Variants in C7 observed in about 807,000 individuals in gnomAD.
C7 encodes complement C7.
A neutral mutation model predicts 104.8 loss-of-function variants in C7; 83 were observed. The ratio of observed to expected loss-of-function variants is 0.79; its 90% CI spans 0.66 to 0.95. C7 has a LOEUF of 0.95. Ranked by LOEUF, C7 falls within the 40% of genes least tolerant of loss-of-function variation. The probability of loss-of-function intolerance (pLI) is 0.00; values close to 1 mark genes in which losing one functional copy is unlikely to be tolerated. For synonymous variants in C7, 415 were observed against 360.6 expected, an observed-to-expected ratio of 1.15 and a Z score of -1.71; for missense variants, 1,070 against 1,011.2, an observed-to-expected ratio of 1.06 and a Z score of -0.79.
Position 40,958,245 on chromosome 5 carries a change from C to T in C7, c.1473C>T (p.Leu491=), listed in dbSNP as rs376291154. 166 of 1,605,004 alleles carry T rather than the reference C, an allele frequency of 1.0e-4. No homozygotes were observed. The highest frequency in any genetic ancestry group is 1.7e-4 in the Middle Eastern group (1 of 6,040). The change falls in exon 11 of 18, where the codon CTC becomes CTT. Residue 491 remains leucine (L), a synonymous_variant. Coordinates refer to ENST00000313164, the MANE Select transcript of C7 (RefSeq NM_000587.4). ...GTGCGGCGTGTGAGCAAGGAGTCCT[C>T]GTAGGGAATCAAGCAGGTCAGTGGG... ...TFGAACEQGV[L]VGNQAGGVDG...
At chr5:40,961,997 C>T (rs1375951719) in intron 12 of C7, 88 bp from the exon 13 acceptor site, 19 of 573,820 alleles carry the variant, frequency 3.3e-5, no homozygotes, top group Non-Finnish European at 4.5e-5. Flanking sequence ...GGAGTTCCTT[C>T]AGATACAAAG....
chr5:40,936,453 ACCT>A lies in C7; in HGVS notation c.403_405del (p.Pro135del), dbSNP rs763064315. 71 of 1,612,886 alleles carry A rather than the reference ACCT, an allele frequency of 4.4e-5. No homozygotes were observed. The highest frequency in any genetic ancestry group is 5.9e-5 in the Non-Finnish European group (69 of 1,179,428). Reference sequence around the variant, plus strand: ...GGAGACCTTCCTGTGATATCGATAAACCTCCTCCTAACATAGAACTTACTGGAA... The same window carrying A: ...GGAGACCTTCCTGTGATATCGATAAACCTCCTAACATAGAACTTACTGGAA... On this transcript the variant is annotated inframe_deletion, in exon 5 of 18. Transcript: ENST00000313164.
chr5:40,925,741 C>A (rs934634232), intron 1 of C7, among the ~76,000 whole-genome samples: 1 of 152,132 alleles, frequency 6.6e-6, no homozygotes. Context: ...TCTGGTGAAA[C>A]CTGCAGGGAG....
intron 14 of C7, 32 bp from the exon 15 acceptor site, chr5:40,972,371 G>A (rs775350567): frequency 8.2e-6 from 13 of 1,581,424 alleles, no homozygotes; most frequent in African/African-American, 2.7e-5. Context: ...GGAGAGCAAC[G>A]ACCCTTATAT....
chr5:40,972,275 C>T, intron 14 of C7, 128 bp from the exon 15 acceptor site: 2 of 760,266 alleles, frequency 2.6e-6, no homozygotes, highest in East Asian at 5.4e-5. Context: ...TAACAGTGAA[C>T]TTACGTCTTC....
At chr5:40,928,499 T>G in intron 1 of C7, 81 bp from the exon 2 acceptor site, 1 of 800,578 alleles carries the variant, frequency 1.2e-6, no homozygotes, top group Non-Finnish European at 2.0e-6. Context: ...CCCCATAAAT[T>G]TATACAATTA....
chr5:40,918,972 A>G (rs952683156), intron 1 of C7, among the ~76,000 whole-genome samples: 11 of 151,650 alleles, frequency 7.3e-5, no homozygotes, highest in Non-Finnish European at 1.6e-4. Context: ...ACACACACAC[A>G]CACACACACA....
chr5:40,954,198 A>G (rs2111651273), intron 9 of C7, among the ~76,000 whole-genome samples: 1 of 152,308 alleles, frequency 6.6e-6, no homozygotes, highest in Middle Eastern at 3.4e-3. Context: ...AGTATACCAG[A>G]TGCAATAAAC....
At chr5:40,923,339 A>AAT (rs1739481233) in intron 1 of C7, among the ~76,000 whole-genome samples, 1 of 152,232 alleles carries the variant, frequency 6.6e-6, no homozygotes, top group Non-Finnish European at 1.5e-5. Context: ...TGCAGGCTGC[A>AAT]TAAACATGGC....
At chr5:40,911,187 A>G (rs1228263392) in intron 1 of C7, 1 of 152,242 alleles carries the variant, frequency 6.6e-6, no homozygotes, top group East Asian at 1.9e-4. Context: ...GAAAGTGGAC[A>G]TTCATATTTT....
At chr5:40,920,768 G>T (rs1238360589) in intron 1 of C7, among the ~76,000 whole-genome samples, 1 of 152,110 alleles carries the variant, frequency 6.6e-6, no homozygotes, top group Non-Finnish European at 1.5e-5. Context: ...AAAAATGTAG[G>T]CTGGGCATGG....
At chr5:40,978,299 G>A (rs1014400524) in intron 16 of C7, among the ~76,000 whole-genome samples, 4 of 152,028 alleles carry the variant, frequency 2.6e-5, no homozygotes, top group East Asian at 1.9e-4. Context: ...ACTAAATGGC[G>A]TGATGGAAAT....
rs118032182 is a variant in C7, at chr5:40,932,879, A to G, written c.139-1446A>G. Among the ~76,000 whole-genome samples, 191 of 152,296 alleles carry G rather than the reference A, an allele frequency of 1.3e-3. 3 individuals are homozygous for G. In the East Asian group the frequency reaches 0.029, roughly 24 times the overall value. ...TTTTCATTCAGAAAGAGACAAGTGA[A>G]AATGAGAAAGGGGTTGTAGGGTCAG... On this transcript the variant is annotated intron_variant, in intron 3 of 17. Coordinates refer to ENST00000313164, the MANE Select transcript of C7 (RefSeq NM_000587.4).
At position 40,955,294 on chromosome 5, in the gene C7, A is replaced by G. The variant is rs2111654873; in HGVS notation, c.1094-93A>G. The stretch of plus-strand genomic sequence containing the variant: ...CACAATTTATCTTTTGACTGTTTCC[A>G]TAGTTTGGCTTTTTCCAGGATGTCA... On this transcript the variant is annotated intron_variant, in intron 9 of 17. Transcript: ENST00000313164. The G allele has an allele frequency of 5.1e-6, 6 of 1,176,100 alleles. No homozygotes were observed. In the South Asian group the frequency reaches 5.6e-5, roughly 11 times the overall value. 72.9% of individuals were successfully genotyped at this position (1,176,100 alleles called of 1,614,324 possible).
chr5:40,969,466 T>C (rs1235848160), intron 14 of C7, among the ~76,000 whole-genome samples: 1 of 152,202 alleles, frequency 6.6e-6, no homozygotes, highest in Non-Finnish European at 1.5e-5. Context: ...TAGTTTTAAT[T>C]GAATGTCAGA....
intron 16 of C7, among the ~76,000 whole-genome samples, chr5:40,978,815 A>AT (rs1296286716): frequency 1.4e-5 from 2 of 139,024 alleles, no homozygotes; most frequent in Admixed American, 7.4e-5. Flanking sequence ...CTAAATAGCT[A>AT]TTTTTTTCCA....
At chr5:40,940,152 T>C (rs1739905572) in intron 6 of C7, among the ~76,000 whole-genome samples, 2 of 152,188 alleles carry the variant, frequency 1.3e-5, no homozygotes, top group South Asian at 2.1e-4. Context: ...AAAGTGACTT[T>C]TGGCTTATTG....
intron 1 of C7, among the ~76,000 whole-genome samples, chr5:40,913,968 T>C (rs1447315617): frequency 1.3e-5 from 2 of 152,140 alleles, no homozygotes; most frequent in Non-Finnish European, 2.9e-5. Context: ...CGTGAGTCAC[T>C]GCGTCCGACC....
rs112113614 is a variant in C7, at chr5:40,970,239, A to C, written c.1883-2164A>C. Among the ~76,000 whole-genome samples the C allele has an allele frequency of 1.6e-3, 241 of 152,320 alleles. 1 individual carries two copies. Among genetic ancestry groups the C allele is most frequent in the African/African-American group, 5.6e-3 (231 of 41,574 alleles). ...AATGCTGTTTTTGAATGAATAAATG[A>C]ATGAATGGGTTTTCTGATGACAGTG... On this transcript the variant is annotated intron_variant, in intron 14 of 17. Transcript: ENST00000313164.
Sources: gnomAD v4.1 joint callset for allele counts (sites outside exome capture counted in the v4.1 genomes callset) on GRCh38, gnomAD v4.1.1 for gene constraint, MANE v1.5 for transcripts, NCBI Gene and HGNC (gene_info 2026-07-23, HGNC 2026-07-21) for gene names.